The following ZFHX3 variants were observed in gnomAD, a reference collection of about 807,000 sequenced individuals.
ZFHX3 encodes the protein zinc finger homeobox 3.
A neutral mutation model predicts 279.1 loss-of-function variants in ZFHX3; 42 were observed. The ratio of observed to expected loss-of-function variants is 0.15; its 90% CI spans 0.12 to 0.19. The LOEUF (loss-of-function observed/expected upper bound fraction) is 0.19, where lower values mean the gene tolerates loss of function less well. ZFHX3 is among the 10% of genes least tolerant of loss of function. The pLI is 1.00. For synonymous variants in ZFHX3, 2,293 were observed against 1,957.8 expected, an observed-to-expected ratio of 1.17 and a Z score of -4.52; for missense variants, 4,981 against 4,754.0, an observed-to-expected ratio of 1.05 and a Z score of -1.40.
chr16:73,006,120 T>C (rs1347895148), intron 1 of ZFHX3: 1 of 152,232 alleles, frequency 6.6e-6, no homozygotes, highest in Non-Finnish European at 1.5e-5. Context: ...TTGTCCATCC[T>C]GACCAGTTCA....
intron 3 of ZFHX3, among the ~76,000 whole-genome samples, chr16:72,906,115 C>A (rs2039164215): frequency 6.6e-6 from 1 of 151,984 alleles, no homozygotes; most frequent in African/African-American, 2.4e-5. Flanking sequence ...GATAAGATCC[C>A]TCCCGGGACA....
chr16:73,463,634 T>TC (rs1327001843), intron 2 of ZFHX3, among the ~76,000 whole-genome samples: 2 of 151,506 alleles, frequency 1.3e-5, no homozygotes, highest in East Asian at 2.0e-4. Flanking sequence ...GTCGAACCCC[T>TC]CCCCCCACCT....
At chr16:73,609,044 C>G (rs988506819) in intron 2 of ZFHX3, 1 of 152,184 alleles carries the variant, frequency 6.6e-6, no homozygotes, top group African/African-American at 2.4e-5. Flanking sequence ...TTGTAACAAT[C>G]TGATGTTTTC....
intron 5 of ZFHX3, among the ~76,000 whole-genome samples, chr16:73,182,334 G>A (rs181312360): frequency 1.3e-5 from 2 of 152,306 alleles, no homozygotes; most frequent in African/African-American, 4.8e-5. Context: ...GCGCATGCCT[G>A]TAATCCCAGC....
At chr16:72,998,806 A>G (rs1963386492) in intron 1 of ZFHX3, among the ~76,000 whole-genome samples, 1 of 152,230 alleles carries the variant, frequency 6.6e-6, no homozygotes, top group Non-Finnish European at 1.5e-5. Context: ...TGACATGTCA[A>G]GAAGTTAAGC....
intron 4 of ZFHX3, among the ~76,000 whole-genome samples, chr16:72,879,746 A>G (rs1161429125): frequency 6.6e-6 from 1 of 152,194 alleles, no homozygotes; most frequent in Non-Finnish European, 1.5e-5. Context: ...ATTTCTATAA[A>G]TCCCTCCAAC....
chr16:73,316,026 C>T (rs1023720518), intron 4 of ZFHX3, among the ~76,000 whole-genome samples: 1 of 152,160 alleles, frequency 6.6e-6, no homozygotes, highest in African/African-American at 2.4e-5. Flanking sequence ...AACCGCTGGC[C>T]CGCACTGGCC....
rs760799185 is a variant in ZFHX3, at chr16:72,959,788, C to T, written c.358G>A (p.Gly120Arg). The T allele has an allele frequency of 4.1e-5, 66 of 1,601,368 alleles. 1 individual carries two copies. Among genetic ancestry groups the T allele is most frequent in the Non-Finnish European group, 1.3e-5 (15 of 1,172,358 alleles). ...TTCTCCACGTCACTCTCCTCGTCCC[C>T]CTCCTCACCGGTGTCGCTGGCGCTC... ...EESASDTGEE[G>R]DEESDVENLA... The change falls in exon 2 of 10, where the codon GGG (glycine) becomes AGG (arginine). Residue 120 changes from glycine to arginine, a missense_variant. Transcript: ENST00000268489.
At chr16:73,509,176 C>T (rs1262090920) in intron 2 of ZFHX3, among the ~76,000 whole-genome samples, 1 of 152,152 alleles carries the variant, frequency 6.6e-6, no homozygotes, top group Non-Finnish European at 1.5e-5. Flanking sequence ...GAATGGAATG[C>T]TTTCACATTT....
At chr16:73,105,452 T>TAC in intron 7 of ZFHX3, among the ~76,000 whole-genome samples, 2 of 93,934 alleles carry the variant, frequency 2.1e-5, no homozygotes, top group South Asian at 7.4e-4. Context: ...CACATATATA[T>TAC]ATATATTTTT....
chr16:73,797,320 G>C (rs531952372), intron 1 of ZFHX3, among the ~76,000 whole-genome samples: 83 of 152,346 alleles, frequency 5.4e-4, no homozygotes, highest in Non-Finnish European at 9.0e-4. Context: ...AAATTACTCT[G>C]AGTTTTAAAG....
intron 1 of ZFHX3, among the ~76,000 whole-genome samples, chr16:73,019,150 A>G (rs1332798783): frequency 1.3e-5 from 2 of 152,204 alleles, no homozygotes; most frequent in Non-Finnish European, 2.9e-5. Context: ...TTCAAAAGCT[A>G]TCACTACGAG....
At chr16:73,687,056 A>G (rs1168367490) in intron 1 of ZFHX3, among the ~76,000 whole-genome samples, 2 of 84,466 alleles carry the variant, frequency 2.4e-5, no homozygotes, top group African/African-American at 4.6e-5. Context: ...ATATATATAT[A>G]TATATATATT....
chr16:73,667,559 T>C (rs1018140367), intron 2 of ZFHX3, among the ~76,000 whole-genome samples: 3 of 152,212 alleles, frequency 2.0e-5, no homozygotes, highest in African/African-American at 7.2e-5. Flanking sequence ...GTTTAGTTGC[T>C]TATTTGCCAC....
intron 1 of ZFHX3, among the ~76,000 whole-genome samples, chr16:73,757,222 G>A (rs371522408): frequency 2.6e-5 from 4 of 152,154 alleles, no homozygotes; most frequent in African/African-American, 9.7e-5. Context: ...GAGAAACAAA[G>A]AGCAGAAGTC....
At chr16:73,460,605 A>G (rs2018455472) in intron 2 of ZFHX3, among the ~76,000 whole-genome samples, 1 of 152,150 alleles carries the variant, frequency 6.6e-6, no homozygotes, top group Admixed American at 6.5e-5. Flanking sequence ...AGCAATGTAT[A>G]AGTCACTTGA....
chr16:72,811,914 T>C lies in ZFHX3; in HGVS notation c.3654A>G (p.Lys1218=). The part of the protein sequence containing the change: ...SKRPKTAEEI[K]PEQMYQCPYC... ...TCCCTTCCAGCCTCACCTGCTCCGG[T>C]TTGATCTCCTCAGCTGTTTTTGGTC... Residue 1218 remains lysine, a synonymous_variant, in exon 6 of 10, where the codon AAA becomes AAG. Coordinates refer to ENST00000268489, the MANE Select transcript of ZFHX3 (RefSeq NM_006885.4). 6.4e-7 allele frequency: 1 copy of C among 1,560,988 alleles called. No individual in the cohort carries two copies. Among genetic ancestry groups the C allele is most frequent in the Non-Finnish European group, 8.7e-7 (1 of 1,147,832 alleles).
At chr16:73,069,714 T>C (rs1230897865) in intron 8 of ZFHX3, among the ~76,000 whole-genome samples, 2 of 152,188 alleles carry the variant, frequency 1.3e-5, no homozygotes, top group African/African-American at 4.8e-5. Flanking sequence ...CTGTCCCACA[T>C]TTAAAACTGC....
intron 2 of ZFHX3, among the ~76,000 whole-genome samples, chr16:73,643,376 T>A (rs889256551): frequency 6.6e-6 from 1 of 152,230 alleles, no homozygotes; most frequent in Admixed American, 6.5e-5. Flanking sequence ...TATCATAAAA[T>A]GTATGCCAGG....
Sources: gnomAD v4.1 joint callset for allele counts (sites outside exome capture counted in the v4.1 genomes callset) on GRCh38, gnomAD v4.1.1 for gene constraint, MANE v1.5 for transcripts, NCBI Gene and HGNC (gene_info 2026-07-23, HGNC 2026-07-21) for gene names.